The following MASP1 variants were observed in gnomAD, a reference collection of about 807,000 sequenced individuals.
MASP1 encodes the protein mannan-binding lectin serine protease 1.
Under a neutral mutation model 77.1 loss-of-function variants are expected in MASP1, and 59 were observed. The ratio of observed to expected loss-of-function variants is 0.77; its 90% CI spans 0.62 to 0.95. The LOEUF (loss-of-function observed/expected upper bound fraction) is 0.95, where lower values mean the gene tolerates loss of function less well. Ranked by LOEUF, MASP1 falls within the 40% of genes least tolerant of loss-of-function variation. The pLI, the probability that MASP1 is intolerant of heterozygous loss-of-function variation, is 0.00. For synonymous variants in MASP1, 362 were observed against 354.5 expected, an observed-to-expected ratio of 1.02 and a Z score of -0.24; for missense variants, 885 against 912.9, an observed-to-expected ratio of 0.97 and a Z score of 0.39.
chr3:187,249,589 T>C (rs1160364975), intron 8 of MASP1, among the ~76,000 whole-genome samples: 2 of 152,208 alleles, frequency 1.3e-5, no homozygotes, highest in African/African-American at 2.4e-5. Flanking sequence ...CAAAGCTCAG[T>C]AGATGATTTA....
chr3:187,260,587 A>G (rs945546840), intron 4 of MASP1, among the ~76,000 whole-genome samples, 154 bp downstream of exon 4: 1 of 152,182 alleles, frequency 6.6e-6, no homozygotes, highest in Non-Finnish European at 1.5e-5. Context: ...CTGGGTGGGC[A>G]TTTCTGCATC....
At chr3:187,282,535 G>A (rs1305392226) in intron 2 of MASP1, among the ~76,000 whole-genome samples, 1 of 143,480 alleles carries the variant, frequency 7.0e-6, no homozygotes, top group Non-Finnish European at 1.5e-5. Flanking sequence ...AACGTGTACT[G>A]GGGAGAATAT....
chr3:187,251,427 A>G lies in MASP1; in HGVS notation c.1011+207T>C, dbSNP rs1162363596. ...ATGCTCTGATTAAAAAAAAAAAAAA[A>G]ACAAACTTTTGTGCCACTTTCAGAG... is the stretch of plus-strand genomic sequence containing the variant. On this transcript the variant is annotated intron_variant, in intron 7 of 10. Transcript: ENST00000296280. 4 of 566,640 alleles carry G rather than the reference A, an allele frequency of 7.1e-6. No individual in the cohort carries two copies. The East Asian group carries it at 1.2e-4, about 17-fold the overall frequency. The allele number at this position is 566,640 out of a possible 1,614,324, so 35.1% of individuals were successfully genotyped here.
At chr3:187,282,419 C>A (rs1397976096) in intron 2 of MASP1, among the ~76,000 whole-genome samples, 1 of 151,166 alleles carries the variant, frequency 6.6e-6, no homozygotes, top group East Asian at 1.9e-4. Flanking sequence ...ATCACTTGAA[C>A]CCGGGAGGTG....
At position 187,291,628 on chromosome 3, in the gene MASP1, CT is replaced by C. The variant is rs1718342350; in HGVS notation, c.4del (p.Arg2GlyfsTer23). The C allele has an allele frequency of 6.2e-7, 1 of 1,614,090 alleles. No individual in the cohort carries two copies. The part of the protein sequence containing the change: M[R>X]WLLLYYALCF... ...TGCCCTCTCCTCCCCTGGCACGTAC[CT>C]CATTTTCCTGCCTTGGGTGCTCCCG... On this transcript the variant is annotated frameshift_variant and splice_region_variant, in exon 1 of 11. Transcript: ENST00000296280. LOFTEE classifies it high-confidence loss of function.
At chr3:187,277,146 CTG>C (rs1189900626) in intron 2 of MASP1, among the ~76,000 whole-genome samples, 10 of 152,182 alleles carry the variant, frequency 6.6e-5, no homozygotes, top group Admixed American at 6.5e-4. Context: ...GATGGGGAAA[CTG>C]AGGCCTTGAA....
At chr3:187,277,610 C>G (rs1346945445) in intron 2 of MASP1, among the ~76,000 whole-genome samples, 1 of 152,138 alleles carries the variant, frequency 6.6e-6, no homozygotes, top group Non-Finnish European at 1.5e-5. Flanking sequence ...CACAGTAAAG[C>G]CTGTTCTGAG....
chr3:187,268,525 GAAAGAAAAGAAAAGAAAAGAAAATAGA>G (rs961194678), intron 2 of MASP1, among the ~76,000 whole-genome samples: 1 of 141,294 alleles, frequency 7.1e-6, no homozygotes, highest in African/African-American at 2.6e-5. Flanking sequence ...GAGGAAGAAA[GAAAGAAAAGAAAAGAAAAGAAAATAGA>G]AAAGAAAAGA....
At chr3:187,290,559 T>C (rs1042960794) in intron 1 of MASP1, among the ~76,000 whole-genome samples, 1 of 152,188 alleles carries the variant, frequency 6.6e-6, no homozygotes, top group African/African-American at 2.4e-5. Flanking sequence ...ACAGAATTAT[T>C]GCACTCACTT....
exon 12 of MASP1, chr3:187,226,461 G>T (rs1385411993): frequency 6.2e-7 from 1 of 1,613,034 alleles, no homozygotes. Flanking sequence ...CGTAGGGTCG[G>T]ATCTTCCGGA....
At chr3:187,262,038 G>A (rs1032393624) in intron 3 of MASP1, among the ~76,000 whole-genome samples, 2 of 151,924 alleles carry the variant, frequency 1.3e-5, no homozygotes, top group African/African-American at 4.8e-5. Context: ...ATCTACAGCA[G>A]AAAAAAAATC....
intron 4 of MASP1, among the ~76,000 whole-genome samples, chr3:187,258,828 C>A (rs1021714745): frequency 6.6e-6 from 1 of 152,212 alleles, no homozygotes; most frequent in Non-Finnish European, 1.5e-5. Context: ...CTGTCCATCA[C>A]TTTCCTTCTA....
rs748661058 is a variant in MASP1, at chr3:187,236,043, T to C, written c.1828A>G (p.Thr610Ala). 4 of 1,614,194 alleles carry C rather than the reference T, an allele frequency of 2.5e-6. No individual in the cohort carries two copies. Among genetic ancestry groups the C allele is most frequent in the Admixed American group, 3.3e-5 (2 of 60,034 alleles). Residue 610 changes from threonine to alanine, a missense_variant, in exon 11 of 11, where the codon ACA (threonine) becomes GCA (alanine). By Grantham distance (58) the Thr-to-Ala change is moderately conservative. Transcript: ENST00000296280. ...VTVDEIISSG[T>A]RTLSDVLQYV... ...TGCAGGACATCTGACAAGGTCCGTG[T>C]GCCACTGCTGATGATCTCATCCACT...
At chr3:187,285,303 A>G (rs1717761673) in intron 2 of MASP1, among the ~76,000 whole-genome samples, 1 of 152,108 alleles carries the variant, frequency 6.6e-6, no homozygotes, top group Non-Finnish European at 1.5e-5. Flanking sequence ...AATGCAAACT[A>G]CTTGGCATGA....
Position 187,236,450 on chromosome 3 carries a change from C to T in MASP1, c.1421G>A (p.Arg474Lys). ...QALIVVEDTS[R>K]VPNDKWFGSG... ...CCCAAACCACTTGTCATTTGGCACT[C>T]TCGAAGTGTCCTCCACCACTATCAG... Residue 474 changes from arginine (R) to lysine (K), a missense_variant, in exon 11 of 11, where the codon AGA (arginine) becomes AAA (lysine). By Grantham distance (26) the Arg-to-Lys change is conservative (BLOSUM62 2). Coordinates refer to ENST00000296280, the MANE Select transcript of MASP1 (RefSeq NM_139125.4). 2 of 1,614,208 alleles carry T rather than the reference C, an allele frequency of 1.2e-6. No individual in the cohort carries two copies. Among genetic ancestry groups the T allele is most frequent in the East Asian group, 2.2e-5 (1 of 44,884 alleles).
rs1712940476 is a variant in MASP1, at chr3:187,234,203, A to G, written c.*1481T>C. 1 of 1,287,138 alleles carries G rather than the reference A, an allele frequency of 7.8e-7. No individual in the cohort carries two copies. Among genetic ancestry groups the G allele is most frequent in the Non-Finnish European group, 1.0e-6 (1 of 988,698 alleles). The allele number at this position is 1,287,138 out of a possible 1,614,324, so 79.7% of individuals were successfully genotyped here. ...AGATACAAAATATAACATCATTTAC[A>G]TGTGCCATTCATAGACAAAGGAGTG... On this transcript the variant is annotated 3_prime_UTR_variant, in exon 11 of 11. Coordinates refer to ENST00000296280, the MANE Select transcript of MASP1 (RefSeq NM_139125.4).
intron 2 of MASP1, among the ~76,000 whole-genome samples, chr3:187,279,162 C>A (rs1486749570): frequency 6.6e-6 from 1 of 152,198 alleles, no homozygotes; most frequent in Non-Finnish European, 1.5e-5. Flanking sequence ...TCCTGAAATA[C>A]GTGTCTTTCT....
At chr3:187,252,612 A>C (rs1270153130) in intron 6 of MASP1, among the ~76,000 whole-genome samples, 10 of 152,124 alleles carry the variant, frequency 6.6e-5, no homozygotes, top group African/African-American at 2.4e-4. Flanking sequence ...TTTGTCACTG[A>C]TGTTCACCCT....
intron 9 of MASP1, chr3:187,243,232 G>A: frequency 6.0e-6 from 3 of 502,760 alleles, no homozygotes; most frequent in Non-Finnish European, 1.1e-5. Context: ...GTAAATCAGT[G>A]CTAGCTTTAA....
Sources: allele counts gnomAD v4.1 joint callset (sites outside exome capture counted in the v4.1 genomes callset), GRCh38; gene constraint gnomAD v4.1.1; transcripts MANE v1.5; gene names NCBI Gene and HGNC (gene_info 2026-07-23, HGNC 2026-07-21).